The following FARP1 variants were observed in gnomAD, a reference collection of about 807,000 sequenced individuals.
FARP1 encodes the protein FERM, ARH/RhoGEF and pleckstrin domain protein 1, also known as FERM, ARHGEF and pleckstrin domain-containing protein 1.
FARP1 carries 52 observed loss-of-function variants against 128.8 expected under a neutral mutation model. That is an observed-to-expected ratio of 0.40 (90% CI 0.32 to 0.51). The LOEUF (loss-of-function observed/expected upper bound fraction) is 0.51. FARP1 is among the 20% of genes least tolerant of loss of function. The pLI is 0.45. For missense variants in FARP1, 1,333 were observed against 1,367.9 expected, an observed-to-expected ratio of 0.97 and a Z score of 0.40; for synonymous variants, 580 against 551.8, an observed-to-expected ratio of 1.05 and a Z score of -0.72.
chr13:98,171,276 C>A (rs1041202328), intron 1 of FARP1, among the ~76,000 whole-genome samples: 3 of 152,190 alleles, frequency 2.0e-5, no homozygotes, highest in African/African-American at 7.2e-5. Flanking sequence ...TAATAAACTT[C>A]TTTGGGGTTT....
At chr13:98,383,238 A>G (rs1327244192) in intron 6 of FARP1, among the ~76,000 whole-genome samples, 6 of 152,238 alleles carry the variant, frequency 3.9e-5, no homozygotes, top group Admixed American at 2.0e-4. Flanking sequence ...TTGTCAAGGC[A>G]ACATATAACG....
intron 1 of FARP1, among the ~76,000 whole-genome samples, chr13:98,196,945 AC>A: frequency 6.6e-6 from 1 of 152,210 alleles, no homozygotes; most frequent in Non-Finnish European, 1.5e-5. Context: ...AGGATAAGGT[AC>A]CCTTTACACA....
intron 2 of FARP1, among the ~76,000 whole-genome samples, chr13:98,336,782 T>G (rs1887763121): frequency 6.6e-6 from 1 of 152,226 alleles, no homozygotes; most frequent in African/African-American, 2.4e-5. Flanking sequence ...ACACAGAGCA[T>G]GGAGCCAGCC....
chr13:98,413,901 A>G lies in FARP1; in HGVS notation c.1826+1867A>G, dbSNP rs572580134. Among the ~76,000 whole-genome samples the G allele has an allele frequency of 8.5e-5, 13 of 152,274 alleles. No homozygotes were observed. The East Asian group carries it at 2.5e-3, about 29-fold the overall frequency. On this transcript the variant is annotated intron_variant, in intron 16 of 26. Coordinates refer to ENST00000319562, the MANE Select transcript of FARP1 (RefSeq NM_005766.4). Reference sequence around the variant, plus strand: ...TGGAGGCTCAGGGCATCTTGAGCTGATGTCACTATAGCAGTCTCAGTGCAT... The same window carrying G: ...TGGAGGCTCAGGGCATCTTGAGCTGGTGTCACTATAGCAGTCTCAGTGCAT...
At chr13:98,227,306 C>T (rs1025833552) in intron 2 of FARP1, among the ~76,000 whole-genome samples, 2 of 152,028 alleles carry the variant, frequency 1.3e-5, no homozygotes, top group African/African-American at 4.8e-5. Context: ...ATGGATTAGT[C>T]CACGTTGAAA....
intron 1 of FARP1, among the ~76,000 whole-genome samples, chr13:98,181,892 A>G (rs1206985825): frequency 6.6e-6 from 1 of 152,164 alleles, no homozygotes; most frequent in Non-Finnish European, 1.5e-5. Flanking sequence ...GTAAAATAAA[A>G]TAGACTTGAA....
chr13:98,152,705 A>G (rs1876099670), intron 1 of FARP1, among the ~76,000 whole-genome samples: 2 of 152,168 alleles, frequency 1.3e-5, no homozygotes, highest in Non-Finnish European at 2.9e-5. Context: ...GGGAGATTTT[A>G]TCTTTCATCT....
Position 98,448,394 on chromosome 13 carries a change from T to A in FARP1, c.*77T>A. 1 of 1,135,906 alleles carries A rather than the reference T, an allele frequency of 8.8e-7. No homozygotes were observed. The highest frequency in any genetic ancestry group is 1.3e-6 in the Non-Finnish European group (1 of 747,672). The allele number at this position is 1,135,906 out of a possible 1,614,324, so 70.4% of individuals were successfully genotyped here. A position where few individuals can be genotyped will look rare whatever the true frequency, so the allele number is the denominator to read the frequency against. On this transcript the variant is annotated 3_prime_UTR_variant, in exon 27 of 27. Coordinates refer to ENST00000319562, the MANE Select transcript of FARP1 (RefSeq NM_005766.4). Reference sequence around the variant, plus strand: ...TTTCTTCTGTATTAATGAAGCCTGGTAAAATTAACACCTGTCTGAAAATCA... The same window carrying A: ...TTTCTTCTGTATTAATGAAGCCTGGAAAAATTAACACCTGTCTGAAAATCA...
intron 2 of FARP1, among the ~76,000 whole-genome samples, chr13:98,253,091 T>C (rs548499408): frequency 6.6e-6 from 1 of 152,226 alleles, no homozygotes; most frequent in Non-Finnish European, 1.5e-5. Context: ...TTAATAGCTG[T>C]ATGTTGATTT....
Position 98,390,120 on chromosome 13 carries a change from G to A in FARP1, c.1019G>A (p.Ser340Asn). 1.2e-6 allele frequency: 2 copies of A among 1,612,596 alleles called. No homozygotes were observed. Among genetic ancestry groups the A allele is most frequent in the Non-Finnish European group, 1.7e-6 (2 of 1,179,454 alleles). Residue 340 changes from serine (S) to asparagine (N), a missense_variant and splice_region_variant, in exon 10 of 27, where the codon AGT becomes AAT. This residue lies in a region of FARP1 where 1,009 missense variants were observed against 969.8 expected (regional missense o/e 1.04). Transcript: ENST00000319562. Reference sequence around the variant, plus strand: ...AGCCGGGGGTCATCATTTCGGTTCAGGTGAGGTCGCCACTTTGTGCCTCTG... The same window carrying A: ...AGCCGGGGGTCATCATTTCGGTTCAAGTGAGGTCGCCACTTTGTGCCTCTG... Reference protein sequence around the residue: ...LFSRGSSFRFSGRTQKQVLDY... With the variant: ...LFSRGSSFRFNGRTQKQVLDY...
intron 1 of FARP1, among the ~76,000 whole-genome samples, chr13:98,200,013 G>T (rs1200016536): frequency 6.6e-6 from 1 of 152,032 alleles, no homozygotes. Context: ...ACACATTTTT[G>T]TCTTTGCATA....
intron 1 of FARP1, among the ~76,000 whole-genome samples, chr13:98,152,981 A>T (rs1876120843): frequency 6.6e-6 from 1 of 152,074 alleles, no homozygotes. Context: ...TTCAAGAAAA[A>T]AATGATGGAA....
At chr13:98,213,609 G>C (rs546530258) in intron 2 of FARP1, among the ~76,000 whole-genome samples, 196 bp downstream of exon 2, 3 of 152,130 alleles carry the variant, frequency 2.0e-5, no homozygotes, top group East Asian at 1.9e-4. Flanking sequence ...ATTTATGCTT[G>C]AACCACCCAC....
At chr13:98,317,807 C>T (rs1301136220) in intron 2 of FARP1, among the ~76,000 whole-genome samples, 1 of 152,170 alleles carries the variant, frequency 6.6e-6, no homozygotes, top group African/African-American at 2.4e-5. Context: ...TCCTGGTTTG[C>T]AGAGGGCCGC....
rs200650412 is a variant in FARP1 at position 98,411,911 on chromosome 13, G to C, written c.1703G>C (p.Ser568Thr). Residue 568 changes from serine to threonine, a missense_variant, in exon 16 of 27, where the codon AGC becomes ACC. By Grantham distance (58) the Ser-to-Thr change is moderately conservative. Transcript: ENST00000319562. ...TCTTCTTCTTTCCAGTGGTTTCAGA[G>C]CACAGTGAGCAAAGAGGACGCCATG... ...DLEVITSWFQSTVSKEDAMPE... is the reference protein window; with the variant it reads ...DLEVITSWFQTTVSKEDAMPE... 1 of 1,614,012 alleles carries C rather than the reference G, an allele frequency of 6.2e-7. No homozygotes were observed. The highest frequency in any genetic ancestry group is 1.3e-5 in the African/African-American group (1 of 74,928).
intron 2 of FARP1, among the ~76,000 whole-genome samples, chr13:98,259,684 A>AT (rs1320195673): frequency 3.9e-5 from 6 of 151,956 alleles, no homozygotes; most frequent in African/African-American, 9.7e-5. Flanking sequence ...ATTACATTTG[A>AT]TTTTTTTTCC....
intron 1 of FARP1, among the ~76,000 whole-genome samples, chr13:98,146,102 G>A (rs985259206): frequency 1.3e-5 from 2 of 152,130 alleles, no homozygotes; most frequent in Admixed American, 6.5e-5. Context: ...CATCCTGGAC[G>A]GGATTAGAGA....
chr13:98,384,354 A>G, intron 6 of FARP1: 1 of 199,308 alleles, frequency 5.0e-6, no homozygotes. Flanking sequence ...CACCGTACCC[A>G]GCCAATTTTT....
At chr13:98,293,137 T>C (rs944702625) in intron 2 of FARP1, among the ~76,000 whole-genome samples, 2 of 152,144 alleles carry the variant, frequency 1.3e-5, no homozygotes, top group Non-Finnish European at 2.9e-5. Flanking sequence ...AACTCAATGG[T>C]GGATGACTGA....
Sources: allele counts gnomAD v4.1 joint callset (sites outside exome capture counted in the v4.1 genomes callset), GRCh38; gene constraint gnomAD v4.1.1; regional missense constraint gnomAD v4.1.1; transcripts MANE v1.5; gene names NCBI Gene and HGNC (gene_info 2026-07-23, HGNC 2026-07-21).